CHCHD6: variants seen among roughly 807,000 people sequenced by gnomAD.
CHCHD6 encodes MICOS complex subunit MIC25.
CHCHD6 carries 28 observed loss-of-function variants against 32.3 expected under a neutral mutation model. That is an observed-to-expected ratio of 0.87 (90% CI 0.64 to 1.19). The LOEUF is 1.19. Ranked by LOEUF, CHCHD6 falls within the 50% of genes most tolerant of loss-of-function variation. The pLI, the probability that CHCHD6 is intolerant of heterozygous loss-of-function variation, is 0.00. For missense variants in CHCHD6, 333 were observed against 307.0 expected (o/e 1.08, Z -0.63); for synonymous variants, 122 against 117.5 (o/e 1.04, Z -0.25).
At chr3:126,792,114 T>A (rs1938574314) in intron 4 of CHCHD6, among the ~76,000 whole-genome samples, 1 of 152,094 alleles carries the variant, frequency 6.6e-6, no homozygotes, top group Non-Finnish European at 1.5e-5. Flanking sequence ...TATCCATTCA[T>A]CCGTTGATGG....
At chr3:126,724,647 T>C (rs758813990) in intron 1 of CHCHD6, among the ~76,000 whole-genome samples, 3 of 152,220 alleles carry the variant, frequency 2.0e-5, no homozygotes, top group Non-Finnish European at 4.4e-5. Context: ...GATTTCTCTG[T>C]AGCATACGAT....
At chr3:126,916,676 C>T (rs2078175982) in intron 6 of CHCHD6, among the ~76,000 whole-genome samples, 1 of 152,200 alleles carries the variant, frequency 6.6e-6, no homozygotes, top group African/African-American at 2.4e-5. Context: ...GGTCAGCTCT[C>T]GACCTGTTTC....
chr3:126,838,913 C>A (rs1397481298), intron 4 of CHCHD6, among the ~76,000 whole-genome samples: 1 of 142,136 alleles, frequency 7.0e-6, no homozygotes, highest in Non-Finnish European at 1.5e-5. Context: ...TTTTTTGAGA[C>A]AGTCTTGCTC....
At chr3:126,849,910 G>T (rs2107550938) in intron 4 of CHCHD6, among the ~76,000 whole-genome samples, 1 of 152,348 alleles carries the variant, frequency 6.6e-6, no homozygotes, top group African/African-American at 2.4e-5. Flanking sequence ...GCTGCGTGCT[G>T]CGTGGCCTCT....
rs1449230359 is a variant in CHCHD6, at chr3:126,959,316, G to A, written c.703-880G>A. On this transcript the variant is annotated intron_variant, in intron 7 of 7. Transcript: ENST00000290913. ...CAATGGCAGTGCCAGAGGCCTGCCT[G>A]CTCTCCCCACGTGCTGCCTTGGCAG... Among the ~76,000 whole-genome samples the A allele has an allele frequency of 3.3e-5, 5 of 152,364 alleles. No individual in the cohort carries two copies. The East Asian group carries it at 9.7e-4, about 29-fold the overall frequency.
intron 1 of CHCHD6, among the ~76,000 whole-genome samples, chr3:126,709,814 G>A (rs1389769615): frequency 6.6e-6 from 1 of 152,160 alleles, no homozygotes; most frequent in Non-Finnish European, 1.5e-5. Context: ...CAGATCTTTT[G>A]CCAATTTTTA....
rs1387208951 is a variant in CHCHD6, at chr3:126,704,379, C to T, written c.67C>T (p.Arg23Trp). The T allele has an allele frequency of 1.9e-6, 3 of 1,570,528 alleles. No homozygotes were observed. In the African/African-American group the frequency reaches 4.1e-5, roughly 21 times the overall value. The change falls in exon 1 of 8, where the codon CGG becomes TGG. Residue 23 changes from arginine (R) to tryptophan (W), a missense_variant. Coordinates refer to ENST00000290913, the MANE Select transcript of CHCHD6 (RefSeq NM_032343.3). ...SFGVDEEERV[R>W]VLQGVRLSEN... ...CGGAGTGGACGAGGAGGAGCGGGTC[C>T]GGGTGCTGCAGGGTGTCCGGGTGAG...
At chr3:126,952,318 C>T (rs1250543168) in intron 6 of CHCHD6, among the ~76,000 whole-genome samples, 2 of 152,104 alleles carry the variant, frequency 1.3e-5, no homozygotes, top group Non-Finnish European at 2.9e-5. Flanking sequence ...GCCGACCCAA[C>T]TGAAATTCAG....
chr3:126,900,817 T>C (rs1471340128), intron 5 of CHCHD6, among the ~76,000 whole-genome samples: 2 of 152,262 alleles, frequency 1.3e-5, no homozygotes, highest in East Asian at 3.9e-4. Context: ...TTGGTCAGGC[T>C]GGTCTTGAAT....
At chr3:126,848,064 C>T (rs2107550104) in intron 4 of CHCHD6, among the ~76,000 whole-genome samples, 1 of 152,328 alleles carries the variant, frequency 6.6e-6, no homozygotes, top group Non-Finnish European at 1.5e-5. Flanking sequence ...ACCGCAGCCT[C>T]AAACTCCAGG....
intron 6 of CHCHD6, among the ~76,000 whole-genome samples, chr3:126,935,679 T>C (rs1034604855): frequency 6.6e-6 from 1 of 152,226 alleles, no homozygotes; most frequent in Non-Finnish European, 1.5e-5. Context: ...ATAGTGTTCA[T>C]AATACAAAGC....
chr3:126,801,132 G>A (rs1464100301), intron 4 of CHCHD6, among the ~76,000 whole-genome samples: 4 of 152,366 alleles, frequency 2.6e-5, no homozygotes, highest in African/African-American at 4.8e-5. Context: ...CAGCGTGAGC[G>A]ACGCAGAAGA....
chr3:126,747,170 G>A (rs779506478), intron 4 of CHCHD6, among the ~76,000 whole-genome samples: 1 of 152,074 alleles, frequency 6.6e-6, no homozygotes, highest in Non-Finnish European at 1.5e-5. Context: ...TCTCCCTCTC[G>A]GGAGCTGCTG....
intron 4 of CHCHD6, among the ~76,000 whole-genome samples, chr3:126,734,072 T>C (rs1349369871): frequency 6.6e-6 from 1 of 152,174 alleles, no homozygotes; most frequent in African/African-American, 2.4e-5. Context: ...TGCCGACCCT[T>C]GTGTCTCTAT....
intron 4 of CHCHD6, among the ~76,000 whole-genome samples, chr3:126,755,868 G>A (rs980312988): frequency 4.7e-5 from 7 of 148,058 alleles, no homozygotes; most frequent in African/African-American, 1.5e-4. Flanking sequence ...GTGTGTGTGT[G>A]TAGACACAGA....
chr3:126,777,736 AG>A (rs1937717767), intron 4 of CHCHD6, among the ~76,000 whole-genome samples: 1 of 152,232 alleles, frequency 6.6e-6, no homozygotes, highest in Non-Finnish European at 1.5e-5. Flanking sequence ...CCATTTTCAA[AG>A]CTTAAAGAAA....
chr3:126,817,324 A>G (rs1939949246), intron 4 of CHCHD6, among the ~76,000 whole-genome samples: 1 of 149,678 alleles, frequency 6.7e-6, no homozygotes, highest in Admixed American at 6.7e-5. Context: ...GTTTTGCCAG[A>G]TAGATTTTCC....
chr3:126,903,822 A>G (rs1290448042), intron 5 of CHCHD6, among the ~76,000 whole-genome samples: 1 of 152,022 alleles, frequency 6.6e-6, no homozygotes, highest in Admixed American at 6.6e-5. Context: ...ACTTCTATCC[A>G]TCTAGGTTAA....
At chr3:126,895,180 A>G (rs542585688) in intron 5 of CHCHD6, among the ~76,000 whole-genome samples, 2 of 152,244 alleles carry the variant, frequency 1.3e-5, no homozygotes, top group South Asian at 4.1e-4. Context: ...AAAATCGTAG[A>G]TTCTTCAAGC....
Sources: gnomAD v4.1 joint callset for allele counts (sites outside exome capture counted in the v4.1 genomes callset) on GRCh38, gnomAD v4.1.1 for gene constraint, MANE v1.5 for transcripts, NCBI Gene and HGNC (gene_info 2026-07-23, HGNC 2026-07-21) for gene names.